The following FHIP2B variants were observed in gnomAD, a reference collection of about 807,000 sequenced individuals.
The protein encoded by FHIP2B is FHF complex subunit HOOK interacting protein 2B, also known as FHF complex subunit HOOK-interacting protein 2B.
In FHIP2B, 72 loss-of-function variants were observed where a neutral mutation model predicts 84.0. The ratio of observed to expected loss-of-function variants is 0.86; its 90% CI spans 0.71 to 1.04. The LOEUF (loss-of-function observed/expected upper bound fraction) is 1.04, where lower values mean the gene tolerates loss of function less well. Ranked by LOEUF, FHIP2B falls within the 50% of genes least tolerant of loss-of-function variation. The probability of loss-of-function intolerance (pLI) is 0.00; values close to 1 mark genes in which losing one functional copy is unlikely to be tolerated. For synonymous variants in FHIP2B, 497 were observed against 418.7 expected, an observed-to-expected ratio of 1.19 and a Z score of -2.28; for missense variants, 972 against 968.9, an observed-to-expected ratio of 1.00 and a Z score of -0.04.
chr8:22,101,516 G>A lies in FHIP2B; in HGVS notation c.1693G>A (p.Asp565Asn), dbSNP rs747585450. 5.6e-6 allele frequency: 9 copies of A among 1,612,082 alleles called. No individual in the cohort carries two copies. The highest frequency in any genetic ancestry group is 3.3e-5 in the South Asian group (3 of 90,804). Reference sequence around the variant, plus strand: ...GACAGGCTATGACACATACGTCCACGATGCTTATGGCCTGGTGAGTGGCTC... The same window carrying A: ...GACAGGCTATGACACATACGTCCACAATGCTTATGGCCTGGTGAGTGGCTC... Reference protein sequence around the residue: ...EETGYDTYVHDAYGLFQECSS... With the variant: ...EETGYDTYVHNAYGLFQECSS... The change falls in exon 13 of 17, where the codon GAT (aspartate) becomes AAT (asparagine). Residue 565 changes from aspartate to asparagine, a missense_variant. Physicochemically the swap from Asp to Asn is conservative, Grantham distance 23. Transcript: ENST00000289921.
chr8:22,089,703 A>G (rs73223800), intron 1 of FHIP2B: 6 of 1,159,604 alleles, frequency 5.2e-6, no homozygotes, highest in South Asian at 1.3e-5. Flanking sequence ...GCTCCACCCC[A>G]CCGCCTCGCC....
rs1279086643 is a variant in FHIP2B, at chr8:22,099,678, C to G, written c.1152-26C>G. On this transcript the variant is annotated intron_variant, in intron 9 of 16. Transcript: ENST00000289921. ...CATGTGCTGTCTGCACACACCGGGC[C>G]TGGCTAAGGTGCCCTCTTCCCGTAG... 4.5e-6 allele frequency: 7 copies of G among 1,547,198 alleles called. No individual in the cohort carries two copies. The African/African-American group carries it at 9.7e-5, about 21-fold the overall frequency.
chr8:22,096,931 C>T (rs553365911), intron 3 of FHIP2B: 1 of 172,880 alleles, frequency 5.8e-6, no homozygotes, highest in African/African-American at 2.4e-5. Context: ...GTAGCCCCAG[C>T]TACGTGGGAG....
intron 6 of FHIP2B, 51 bp from the exon 7 acceptor site, chr8:22,098,372 T>A (rs1825910253): frequency 2.0e-6 from 3 of 1,479,104 alleles, no homozygotes; most frequent in Non-Finnish European, 2.7e-6. Context: ...GGCTGGGGGG[T>A]GATTTGGGGG....
At position 22,102,574 on chromosome 8, in the gene FHIP2B, C is replaced by G. The variant is rs370628465; in HGVS notation, c.2039C>G (p.Pro680Arg). 40 of 1,564,490 alleles carry G rather than the reference C, an allele frequency of 2.6e-5. No homozygotes were observed. The African/African-American group carries it at 4.5e-4, about 18-fold the overall frequency. ...AGAATCCAGAGGGTACCCCAGTTCC[C>G]AGGCAAGCTGCTCCTGGTGCGCAAG... ...MQRIQRVPQF[P>R]GKLLLVRKQL... The change falls in exon 16 of 17, where the codon CCA becomes CGA. Residue 680 changes from proline (P) to arginine (R), a missense_variant. Physicochemically the swap from Pro to Arg is moderately radical, Grantham distance 103 (BLOSUM62 -2). Coordinates refer to ENST00000289921, the MANE Select transcript of FHIP2B (RefSeq NM_022749.7).
At chr8:22,093,875 G>A (rs1217888488) in intron 1 of FHIP2B, among the ~76,000 whole-genome samples, 7 of 151,810 alleles carry the variant, frequency 4.6e-5, no homozygotes, top group Admixed American at 3.3e-4. Flanking sequence ...ACACCACCAC[G>A]TCCTGCTAGT....
In FHIP2B at chr8:22,103,026, G is replaced by C; in HGVS notation, c.*95G>C. 6.9e-7 allele frequency: 1 copy of C among 1,455,880 alleles called. No individual in the cohort carries two copies. Among genetic ancestry groups the C allele is most frequent in the South Asian group, 1.3e-5 (1 of 74,124 alleles). The allele number at this position is 1,455,880 out of a possible 1,614,324, so 90.2% of individuals were successfully genotyped here. On this transcript the variant is annotated 3_prime_UTR_variant, in exon 17 of 17. Transcript: ENST00000289921. ...CCGCCACACTCCCCTCCTGGGATGG[G>C]GCTTCTGCTCCCGGGCTCACTCAAG...
rs201079373 is a variant in FHIP2B at position 22,099,115 on chromosome 8, C to T, written c.1074+59C>T. ...GCTGTTCCCTGTACCATCTCCATCT[C>T]GAGGACCAAGTGGAGCAGGGACATG... On this transcript the variant is annotated intron_variant, in intron 8 of 16. Coordinates refer to ENST00000289921, the MANE Select transcript of FHIP2B (RefSeq NM_022749.7). 1.9e-4 allele frequency: 283 copies of T among 1,511,800 alleles called. 2 individuals are homozygous for T. The Middle Eastern group carries it at 3.9e-3, about 21-fold the overall frequency. 93.6% of individuals were successfully genotyped at this position (1,511,800 alleles called of 1,614,324 possible).
rs757891004 is a variant in FHIP2B, at chr8:22,100,656, C to G, written c.1404C>G (p.Ile468Met). 3 of 1,605,108 alleles carry G rather than the reference C, an allele frequency of 1.9e-6. No individual in the cohort carries two copies. The Admixed American group carries it at 5.1e-5, about 27-fold the overall frequency. The change falls in exon 11 of 17, where the codon ATC becomes ATG. Residue 468 changes from isoleucine (I) to methionine (M), a missense_variant. Physicochemically the swap from Ile to Met is conservative, Grantham distance 10 (BLOSUM62 1). Coordinates refer to ENST00000289921, the MANE Select transcript of FHIP2B (RefSeq NM_022749.7). ...TGCAGAAGCCCCACGAGGGGATCAT[C>G]CACAGCCTGGTCCTGCGCAACCTTG... The part of the protein sequence containing the change: ...ELLQKPHEGI[I>M]HSLVLRNLEG...
intron 1 of FHIP2B, among the ~76,000 whole-genome samples, chr8:22,092,441 G>A (rs919909029): frequency 1.3e-5 from 2 of 152,174 alleles, no homozygotes; most frequent in South Asian, 2.1e-4. Context: ...TCAGCCAGGC[G>A]TGGTGGCACA....
chr8:22,098,001 C>A (rs963986897), intron 5 of FHIP2B, 67 bp from the exon 6 acceptor site: 4 of 1,529,512 alleles, frequency 2.6e-6, no homozygotes, highest in Non-Finnish European at 3.5e-6. Flanking sequence ...GCCCACCCTG[C>A]GGTCCCAGTG....
chr8:22,102,408 T>TGGGGGGGG, intron 15 of FHIP2B, 93 bp downstream of exon 15: 2 of 630,768 alleles, frequency 3.2e-6, no homozygotes, highest in Non-Finnish European at 5.3e-6. Context: ...GCTGGAGGGG[T>TGGGGGGGG]GGGCACCCTT....
intron 1 of FHIP2B, among the ~76,000 whole-genome samples, chr8:22,092,597 A>G (rs1255949375): frequency 6.7e-6 from 1 of 150,060 alleles, no homozygotes; most frequent in African/African-American, 2.5e-5. Flanking sequence ...CTGTCTCAGA[A>G]GAAAAAAAAA....
rs1168280245 is a variant in FHIP2B, at chr8:22,089,236, CG to C, written c.-13del. On this transcript the variant is annotated 5_prime_UTR_variant, in exon 1 of 17. Coordinates refer to ENST00000289921, the MANE Select transcript of FHIP2B (RefSeq NM_022749.7). ...GCCGCCGCCGCTTTCGCCCGGGAGCCGGGGGCCGGGCGCCATCATGCTGAGC... is the reference window on the plus strand; with the variant it reads ...GCCGCCGCCGCTTTCGCCCGGGAGCCGGGGCCGGGCGCCATCATGCTGAGC... The C allele has an allele frequency of 1.7e-5, 18 of 1,059,398 alleles. No individual in the cohort carries two copies. The highest frequency in any genetic ancestry group is 1.4e-4 in the East Asian group (2 of 14,660). 65.6% of individuals were successfully genotyped at this position (1,059,398 alleles called of 1,614,324 possible).
chr8:22,092,961 G>A (rs898995671), intron 1 of FHIP2B, among the ~76,000 whole-genome samples: 6 of 152,212 alleles, frequency 3.9e-5, no homozygotes, highest in African/African-American at 1.4e-4. Context: ...TTGAGGACTA[G>A]GTGTTAGTCA....
At chr8:22,095,752 T>A (rs1425219626) in intron 2 of FHIP2B, 2 of 152,284 alleles carry the variant, frequency 1.3e-5, no homozygotes, top group Non-Finnish European at 2.9e-5. Flanking sequence ...AAACACACAC[T>A]GAGACTCTGA....
intron 1 of FHIP2B, chr8:22,089,659 C>G: frequency 1.4e-6 from 1 of 714,546 alleles, no homozygotes; most frequent in African/African-American, 1.8e-5. Context: ...TAGGCCGCCT[C>G]CCCCCAGTCC....
chr8:22,101,643 G>C, intron 13 of FHIP2B, 65 bp from the exon 14 acceptor site: 1 of 1,562,068 alleles, frequency 6.4e-7, no homozygotes, highest in African/African-American at 1.4e-5. Context: ...TCCCTCCTGC[G>C]TGGGGCCCTG....
rs1317865213 is a variant in FHIP2B, at chr8:22,099,059, G to A, written c.1074+3G>A. 6.3e-7 allele frequency: 1 copy of A among 1,593,354 alleles called. No individual in the cohort carries two copies. Among genetic ancestry groups the A allele is most frequent in the Admixed American group, 1.7e-5 (1 of 57,558 alleles). On this transcript the variant is annotated splice_donor_region_variant and intron_variant, in intron 8 of 16. Transcript: ENST00000289921. The stretch of plus-strand genomic sequence containing the variant: ...ACCTCATCACAGAGGCACACACGGT[G>A]AGCAGGGGCGGGCGGAGGCCGGGCT...
Sources: gnomAD v4.1 joint callset for allele counts (sites outside exome capture counted in the v4.1 genomes callset) on GRCh38, gnomAD v4.1.1 for gene constraint, MANE v1.5 for transcripts, NCBI Gene and HGNC (gene_info 2026-07-23, HGNC 2026-07-21) for gene names.